ATOH8: variants seen among roughly 807,000 people sequenced by gnomAD.
ATOH8 encodes atonal bHLH transcription factor 8, also known as transcription factor ATOH8.
Under a neutral mutation model 21.2 loss-of-function variants are expected in ATOH8, and 9 were observed. The observed-to-expected ratio is 0.42, with a 90% CI of 0.26 to 0.74. The LOEUF is 0.74. Among genes scored for constraint, ATOH8 ranks in the 30% least tolerant of loss-of-function variants. The pLI is 0.24. For missense variants in ATOH8, 524 were observed against 470.9 expected (o/e 1.11, Z -1.04); for synonymous variants, 253 against 224.0 (o/e 1.13, Z -1.16).
chr2:85,765,381 C>T (rs1030516488), intron 2 of ATOH8, among the ~76,000 whole-genome samples: 6 of 152,204 alleles, frequency 3.9e-5, no homozygotes, highest in African/African-American at 7.2e-5. Context: ...GGGAGGGTCA[C>T]GACACCTTCT....
intron 2 of ATOH8, among the ~76,000 whole-genome samples, chr2:85,767,589 T>TCCCCTCCCCTCCCCTCCCCTCCCCTC (rs1680055768): frequency 1.6e-4 from 1 of 6,422 alleles, no homozygotes; most frequent in African/African-American, 6.0e-4. Context: ...CTCCTTCCCT[T>TCCCCTCCCCTCCCCTCCCCTCCCCTC]CCCTTCCATG....
intron 1 of ATOH8, among the ~76,000 whole-genome samples, chr2:85,762,580 G>A (rs1054331554): frequency 6.6e-6 from 1 of 152,142 alleles, no homozygotes; most frequent in African/African-American, 2.4e-5. Context: ...GTGCTATTAG[G>A]GCCCTATTAA....
chr2:85,762,262 A>G (rs1339520883), intron 1 of ATOH8, among the ~76,000 whole-genome samples: 1 of 152,244 alleles, frequency 6.6e-6, no homozygotes, highest in Non-Finnish European at 1.5e-5. Context: ...CATTACAGCT[A>G]GACAAAGCTA....
At chr2:85,755,032 G>T (rs576918797) in intron 1 of ATOH8, 75 bp downstream of exon 1, 42 of 1,471,548 alleles carry the variant, frequency 2.9e-5, no homozygotes, top group Non-Finnish European at 3.5e-5. Context: ...TGGCCGGGGC[G>T]GGATAGAGGT....
At position 85,766,172 on chromosome 2, in the gene ATOH8, C is replaced by T. The variant is rs994554971; in HGVS notation, c.960+1990C>T. ...GAGCGTGTGGTGTCTGCATGGTCAC[C>T]GTCCTCAGGGTAATGATAATGAGCC... On this transcript the variant is annotated intron_variant, in intron 2 of 2. Coordinates refer to ENST00000306279, the MANE Select transcript of ATOH8 (RefSeq NM_032827.7). The surrounding 1 kb of genome is among the most constrained non-coding windows in gnomAD (Gnocchi z 4.0). 1.1e-4 allele frequency among the ~76,000 whole-genome samples: 16 copies of T among 151,996 alleles called. No individual in the cohort carries two copies. The highest frequency in any genetic ancestry group is 4.2e-4 in the South Asian group (2 of 4,798).
chr2:85,767,562 T>TCCCCC (rs1288177168), intron 2 of ATOH8, among the ~76,000 whole-genome samples: 1 of 20,564 alleles, frequency 4.9e-5, no homozygotes, highest in Non-Finnish European at 1.0e-4. Flanking sequence ...GTATTCCCTC[T>TCCCCC]TCCCCTCCCC....
At chr2:85,764,308 G>C in intron 2 of ATOH8, 126 bp downstream of exon 2, 1 of 1,223,614 alleles carries the variant, frequency 8.2e-7, no homozygotes, top group African/African-American at 1.5e-5. Flanking sequence ...TTGGAGGTTT[G>C]CTGGGAGTTG....
intron 1 of ATOH8, among the ~76,000 whole-genome samples, chr2:85,757,934 C>T (rs973002514): frequency 1.3e-4 from 19 of 151,912 alleles, no homozygotes; most frequent in South Asian, 2.1e-4. Flanking sequence ...TACAGGTGCG[C>T]ACCACCACAC....
rs78539868 is a variant in ATOH8, at chr2:85,784,833, A to G, written c.961-2052A>G. The stretch of plus-strand genomic sequence containing the variant: ...CACACAGCTGCTGAATTGCAGAGAA[A>G]GTCCTGGCACCTGAGGCCTCCTAGT... On this transcript the variant is annotated intron_variant, in intron 2 of 2. Coordinates refer to ENST00000306279, the MANE Select transcript of ATOH8 (RefSeq NM_032827.7). Among the ~76,000 whole-genome samples, 1,182 of 152,358 alleles carry G rather than the reference A, an allele frequency of 7.8e-3. 30 individuals carry two copies. The highest frequency in any genetic ancestry group is 0.068 in the East Asian group (353 of 5,186).
intron 2 of ATOH8, among the ~76,000 whole-genome samples, chr2:85,784,471 G>T (rs1680573800): frequency 6.6e-6 from 1 of 152,082 alleles, no homozygotes; most frequent in Admixed American, 6.5e-5. Context: ...GAGCCTAGAA[G>T]GTCAAGGCTA....
At chr2:85,784,859 G>A (rs1375190553) in intron 2 of ATOH8, among the ~76,000 whole-genome samples, 1 of 152,262 alleles carries the variant, frequency 6.6e-6, no homozygotes, top group Admixed American at 6.5e-5. Flanking sequence ...GCCTCCTAGT[G>A]TTCTTCCCAT....
At chr2:85,769,462 C>G (rs934316860) in intron 2 of ATOH8, among the ~76,000 whole-genome samples, 38 of 152,286 alleles carry the variant, frequency 2.5e-4, no homozygotes, top group African/African-American at 8.4e-4. Flanking sequence ...TGCTCCTGGC[C>G]CTGTGGGTAA....
rs1401334736 is a variant in ATOH8 at position 85,788,320 on chromosome 2, A to T, written c.*1430A>T. On this transcript the variant is annotated 3_prime_UTR_variant, in exon 3 of 3. Coordinates refer to ENST00000306279, the MANE Select transcript of ATOH8 (RefSeq NM_032827.7). ...GCCCTCTCTGTCCGCACTGCACTCAATCTGTACCATGGATTTATGAGATAG... is the reference window on the plus strand; with the variant it reads ...GCCCTCTCTGTCCGCACTGCACTCATTCTGTACCATGGATTTATGAGATAG... Among the ~76,000 whole-genome samples, 4 of 152,002 alleles carry T rather than the reference A, an allele frequency of 2.6e-5. No individual in the cohort carries two copies. The highest frequency in any genetic ancestry group is 1.3e-4 in the Admixed American group (2 of 15,260).
At chr2:85,778,760 G>A (rs1224310257) in intron 2 of ATOH8, among the ~76,000 whole-genome samples, 5 of 152,230 alleles carry the variant, frequency 3.3e-5, no homozygotes, top group Non-Finnish European at 5.9e-5. Flanking sequence ...GATGGGAGCA[G>A]TTCCCAGTCC....
At chr2:85,756,039 C>G (rs2104492379) in intron 1 of ATOH8, among the ~76,000 whole-genome samples, 1 of 144,992 alleles carries the variant, frequency 6.9e-6, no homozygotes, top group East Asian at 2.2e-4. Flanking sequence ...TCTCCTCTTC[C>G]TGCTGGGGGT....
intron 1 of ATOH8, among the ~76,000 whole-genome samples, chr2:85,759,128 G>T (rs946512931): frequency 6.6e-6 from 1 of 152,140 alleles, no homozygotes; most frequent in Admixed American, 6.5e-5. Context: ...CTTCCCAGGG[G>T]GTCTTCACCG....
rs2104546134 is a variant in ATOH8 at position 85,790,906 on chromosome 2, G to A, written c.*4016G>A. 6.6e-6 allele frequency among the ~76,000 whole-genome samples: 1 copy of A among 152,352 alleles called. No homozygotes were observed. Among genetic ancestry groups the A allele is most frequent in the African/African-American group, 2.4e-5 (1 of 41,578 alleles). On this transcript the variant is annotated 3_prime_UTR_variant, in exon 3 of 3. Coordinates refer to ENST00000306279, the MANE Select transcript of ATOH8 (RefSeq NM_032827.7). ...CTGAGCCACGAAGTGGTCATTGCCA[G>A]CATCCCAGGCAACAAACAGCAAGAC...
At chr2:85,777,396 A>G (rs1423195767) in intron 2 of ATOH8, among the ~76,000 whole-genome samples, 1 of 152,194 alleles carries the variant, frequency 6.6e-6, no homozygotes, top group African/African-American at 2.4e-5. Context: ...AGAATCAGCC[A>G]GTGGCCTCAT....
At chr2:85,784,133 T>G (rs1680567045) in intron 2 of ATOH8, among the ~76,000 whole-genome samples, 1 of 152,198 alleles carries the variant, frequency 6.6e-6, no homozygotes, top group Admixed American at 6.5e-5. Flanking sequence ...CTACCTATCC[T>G]GAGACCTTCC....
Sources: allele counts gnomAD v4.1 joint callset (sites outside exome capture counted in the v4.1 genomes callset), GRCh38; gene constraint gnomAD v4.1.1; non-coding constraint Gnocchi (gnomAD v3.1); transcripts MANE v1.5; gene names NCBI Gene and HGNC (gene_info 2026-07-23, HGNC 2026-07-21).